Variants in PBX1 observed in about 807,000 individuals in gnomAD.
PBX1 encodes pre-B-cell leukemia transcription factor 1.
In PBX1, 6 loss-of-function variants were observed where a neutral mutation model predicts 53.4. The observed-to-expected ratio is 0.11, with a 90% confidence interval of 0.06 to 0.22. PBX1 has a LOEUF of 0.22. PBX1 is among the 10% of genes least tolerant of loss of function. The pLI, the probability that PBX1 is intolerant of heterozygous loss-of-function variation, is 1.00. For synonymous variants in PBX1, 204 were observed against 212.3 expected, an observed-to-expected ratio of 0.96 and a Z score of 0.34; for missense variants, 251 against 551.4, an observed-to-expected ratio of 0.46 and a Z score of 5.46.
In PBX1 at chr1:164,616,999, G is replaced by A. The variant is rs554654043; in HGVS notation, c.265+53688G>A. Among the ~76,000 whole-genome samples, 18 of 152,278 alleles carry A rather than the reference G, an allele frequency of 1.2e-4. No homozygotes were observed. The South Asian group carries it at 1.9e-3, about 16-fold the overall frequency. ...ACCCACCTGGAGTCCAGATCCAGAG[G>A]TCATATTTTATTACCTCTTGACTAT... On this transcript the variant is annotated intron_variant, in intron 2 of 8. Transcript: ENST00000420696.
At chr1:164,665,433 C>T (rs954454452) in intron 2 of PBX1, among the ~76,000 whole-genome samples, 4 of 152,076 alleles carry the variant, frequency 2.6e-5, no homozygotes, top group Admixed American at 1.3e-4. Context: ...TACAGGCATG[C>T]GCCACTATGC....
At chr1:164,757,678 AT>A (rs989711487) in intron 2 of PBX1, among the ~76,000 whole-genome samples, 5 of 151,828 alleles carry the variant, frequency 3.3e-5, no homozygotes, top group East Asian at 1.9e-4. Context: ...TCTAAAATAC[AT>A]TTTTTTCAAG....
intron 2 of PBX1, among the ~76,000 whole-genome samples, chr1:164,788,085 G>C (rs976775316): frequency 7.2e-5 from 11 of 152,178 alleles, no homozygotes; most frequent in African/African-American, 2.6e-4. Flanking sequence ...GAAGAGATGA[G>C]GGGGAGGGAG....
At chr1:164,662,183 G>A (rs12119186) in intron 2 of PBX1, among the ~76,000 whole-genome samples, 10,762 of 152,092 alleles carry the variant, frequency 0.071, 488 homozygotes, top group South Asian at 0.14. Flanking sequence ...AAAATTAGCC[G>A]GGTGTGGTGG....
intron 2 of PBX1, among the ~76,000 whole-genome samples, chr1:164,640,467 A>G (rs973776345): frequency 2.0e-5 from 3 of 151,926 alleles, no homozygotes; most frequent in African/African-American, 4.8e-5. Context: ...GGTGCAACAC[A>G]CATACTGGGA....
At chr1:164,635,589 C>T (rs566488591) in intron 2 of PBX1, among the ~76,000 whole-genome samples, 6 of 152,344 alleles carry the variant, frequency 3.9e-5, no homozygotes, top group East Asian at 1.9e-4. Context: ...GCCATTCTCC[C>T]GCTCGTCTCG....
intron 2 of PBX1, among the ~76,000 whole-genome samples, chr1:164,601,714 A>G (rs2101802062): frequency 6.6e-6 from 1 of 152,206 alleles, no homozygotes; most frequent in Non-Finnish European, 1.5e-5. Context: ...TTGAGCTTTC[A>G]CTGTATTTTC....
intron 2 of PBX1, among the ~76,000 whole-genome samples, chr1:164,614,390 C>T (rs1326510316): frequency 6.6e-6 from 1 of 152,156 alleles, no homozygotes; most frequent in African/African-American, 2.4e-5. Context: ...GTCTGAATTT[C>T]TGGTTCACTC....
intron 2 of PBX1, among the ~76,000 whole-genome samples, chr1:164,872,169 C>T (rs540192299): frequency 5.3e-5 from 8 of 152,300 alleles, no homozygotes; most frequent in Admixed American, 4.6e-4. Context: ...AGATTGAGCC[C>T]TGCTTTAAGG....
At chr1:164,606,165 ACT>A (rs199569255) in intron 2 of PBX1, among the ~76,000 whole-genome samples, 1 of 152,162 alleles carries the variant, frequency 6.6e-6, no homozygotes, top group African/African-American at 2.4e-5. Flanking sequence ...ATTTAAAATA[ACT>A]CTCATCTTTC....
chr1:164,677,239 C>G (rs1661485762), intron 2 of PBX1, among the ~76,000 whole-genome samples: 1 of 151,510 alleles, frequency 6.6e-6, no homozygotes, highest in Non-Finnish European at 1.5e-5. Flanking sequence ...ACTACAGGCG[C>G]CCGCCACCGC....
At chr1:164,645,283 G>A (rs371117545) in intron 2 of PBX1, among the ~76,000 whole-genome samples, 5 of 152,194 alleles carry the variant, frequency 3.3e-5, no homozygotes, top group Admixed American at 6.5e-5. Context: ...CAAGGTGTCC[G>A]CCAGCAGAGG....
intron 2 of PBX1, among the ~76,000 whole-genome samples, chr1:164,692,757 A>T (rs572837627): frequency 6.6e-6 from 1 of 152,314 alleles, no homozygotes; most frequent in East Asian, 1.9e-4. Flanking sequence ...AAATGCATTA[A>T]CTACTCAAAA....
intron 2 of PBX1, among the ~76,000 whole-genome samples, chr1:164,693,071 G>A (rs551044008): frequency 2.0e-4 from 31 of 152,344 alleles, no homozygotes; most frequent in African/African-American, 7.2e-4. Flanking sequence ...AGGTCACTGT[G>A]TGTGCCCCAC....
At chr1:164,713,625 T>G (rs1663923026) in intron 2 of PBX1, among the ~76,000 whole-genome samples, 1 of 152,112 alleles carries the variant, frequency 6.6e-6, no homozygotes, top group Non-Finnish European at 1.5e-5. Flanking sequence ...TTCCTAAGAC[T>G]GAAAGAATCA....
chr1:164,759,692 C>T (rs986814378), intron 2 of PBX1, among the ~76,000 whole-genome samples: 14 of 152,128 alleles, frequency 9.2e-5, no homozygotes, highest in African/African-American at 2.2e-4. Context: ...CAAGCTGCAG[C>T]GAGGCAACCC....
intron 2 of PBX1, among the ~76,000 whole-genome samples, chr1:164,781,525 C>T (rs771757973): frequency 6.6e-6 from 1 of 152,150 alleles, no homozygotes; most frequent in Non-Finnish European, 1.5e-5. Context: ...ACAGTTTAGT[C>T]CACCTTAGAA....
At chr1:164,797,482 G>T (rs979320374) in intron 3 of PBX1, among the ~76,000 whole-genome samples, 2 of 152,150 alleles carry the variant, frequency 1.3e-5, no homozygotes, top group Non-Finnish European at 2.9e-5. Context: ...CCAGGTGCTG[G>T]GGTTGGCTAG....
At chr1:164,861,188 A>T (rs1447943394) in intron 2 of PBX1, among the ~76,000 whole-genome samples, 1 of 152,108 alleles carries the variant, frequency 6.6e-6, no homozygotes, top group Admixed American at 6.5e-5. Flanking sequence ...CTAAAGGGAG[A>T]TCTCAGGATC....
Sources: gnomAD v4.1 joint callset for allele counts (sites outside exome capture counted in the v4.1 genomes callset) on GRCh38, gnomAD v4.1.1 for gene constraint, MANE v1.5 for transcripts, NCBI Gene and HGNC (gene_info 2026-07-23, HGNC 2026-07-21) for gene names.